The following DIAPH3 variants were observed in gnomAD, a reference collection of about 807,000 sequenced individuals.
DIAPH3 encodes diaphanous related formin 3, also known as protein diaphanous homolog 3.
Under a neutral mutation model 144.3 loss-of-function variants are expected in DIAPH3, and 117 were observed. The ratio of observed to expected loss-of-function variants is 0.81; its 90% CI spans 0.70 to 0.95. The LOEUF is 0.95. Ranked by LOEUF, DIAPH3 falls within the 40% of genes least tolerant of loss-of-function variation. The pLI, the probability that DIAPH3 is intolerant of heterozygous loss-of-function variation, is 0.00. For missense variants in DIAPH3, 1,421 were observed against 1,412.7 expected, an observed-to-expected ratio of 1.01 and a Z score of -0.09; for synonymous variants, 519 against 488.9, an observed-to-expected ratio of 1.06 and a Z score of -0.81.
intron 15 of DIAPH3, 85 bp from the exon 16 acceptor site, chr13:59,971,245 C>G (rs939945475): frequency 7.8e-7 from 1 of 1,286,294 alleles, no homozygotes; most frequent in Non-Finnish European, 1.1e-6. Flanking sequence ...ATAAGGCATT[C>G]ATTTAAACCA....
intron 27 of DIAPH3, among the ~76,000 whole-genome samples, chr13:59,685,242 C>T (rs1019636548): frequency 6.6e-6 from 1 of 152,064 alleles, no homozygotes; most frequent in Non-Finnish European, 1.5e-5. Flanking sequence ...CTCTTACCTT[C>T]AAATATCTTG....
chr13:60,005,761 A>C (rs535481524), intron 9 of DIAPH3, among the ~76,000 whole-genome samples: 1 of 152,172 alleles, frequency 6.6e-6, no homozygotes, highest in Non-Finnish European at 1.5e-5. Context: ...GATTACAGGC[A>C]TGAGCCACCA....
At chr13:59,769,388 CCTT>C (rs1312082968) in intron 27 of DIAPH3, among the ~76,000 whole-genome samples, 1 of 152,112 alleles carries the variant, frequency 6.6e-6, no homozygotes, top group African/African-American at 2.4e-5. Context: ...TTCTGCTTCT[CCTT>C]CACTTCATTA....
intron 27 of DIAPH3, among the ~76,000 whole-genome samples, chr13:59,761,851 T>C (rs1593780725): frequency 6.6e-6 from 1 of 151,974 alleles, no homozygotes; most frequent in Non-Finnish European, 1.5e-5. Flanking sequence ...GAAAAGGAGA[T>C]AGATAACTAA....
At chr13:59,949,329 T>G (rs2048978115) in intron 17 of DIAPH3, among the ~76,000 whole-genome samples, 1 of 152,148 alleles carries the variant, frequency 6.6e-6, no homozygotes. Context: ...ATGAATTTTG[T>G]TTAGCAACAT....
chr13:59,724,043 T>C (rs1353142869), intron 27 of DIAPH3, among the ~76,000 whole-genome samples: 4 of 151,524 alleles, frequency 2.6e-5, no homozygotes, highest in African/African-American at 9.7e-5. Flanking sequence ...TTCTCTATTA[T>C]ACACTGTGAG....
chr13:59,812,539 G>A (rs928170957), intron 24 of DIAPH3, among the ~76,000 whole-genome samples: 2 of 152,116 alleles, frequency 1.3e-5, no homozygotes, highest in African/African-American at 2.4e-5. Context: ...TAAGAGTGCC[G>A]TGATAGCATT....
intron 25 of DIAPH3, among the ~76,000 whole-genome samples, chr13:59,788,795 T>C (rs1210609497): frequency 6.6e-6 from 1 of 152,226 alleles, no homozygotes; most frequent in Non-Finnish European, 1.5e-5. Context: ...GACCTTTCTA[T>C]GACCACTTAT....
At chr13:59,729,059 T>C (rs1305743110) in intron 27 of DIAPH3, among the ~76,000 whole-genome samples, 6 of 152,040 alleles carry the variant, frequency 3.9e-5, no homozygotes, top group Non-Finnish European at 7.4e-5. Flanking sequence ...ATGTTTCTGG[T>C]GAAGTACACT....
At chr13:59,945,715 C>T (rs1392363123) in intron 17 of DIAPH3, among the ~76,000 whole-genome samples, 1 of 151,876 alleles carries the variant, frequency 6.6e-6, no homozygotes, top group Non-Finnish European at 1.5e-5. Context: ...AAGCACAAAG[C>T]TGCTGGGCTA....
chr13:59,848,106 G>C (rs1020887018), intron 22 of DIAPH3, among the ~76,000 whole-genome samples: 10 of 151,920 alleles, frequency 6.6e-5, no homozygotes, highest in Non-Finnish European at 1.5e-5. Flanking sequence ...TACTCTTCCC[G>C]ATCCAAGCCA....
At chr13:59,783,711 G>A (rs935496876) in intron 25 of DIAPH3, among the ~76,000 whole-genome samples, 2 of 152,070 alleles carry the variant, frequency 1.3e-5, no homozygotes, top group Admixed American at 1.3e-4. Flanking sequence ...ACGTTGAAAG[G>A]GCAAGAAGAA....
intron 4 of DIAPH3, among the ~76,000 whole-genome samples, chr13:60,070,825 T>A (rs2057178590): frequency 6.6e-6 from 1 of 152,200 alleles, no homozygotes; most frequent in Non-Finnish European, 1.5e-5. Flanking sequence ...TCACTACCCA[T>A]GTCAGTATTC....
chr13:59,822,297 ATGCACAAGATGGCAGCCATAGTG>A (rs1355927223), intron 24 of DIAPH3, among the ~76,000 whole-genome samples: 2 of 152,158 alleles, frequency 1.3e-5, no homozygotes, highest in Admixed American at 1.3e-4. Context: ...ACAAGTCGCT[ATGCACAAGATGGCAGCCATAGTG>A]TGCTTAAAGG....
intron 10 of DIAPH3, 49 bp from the exon 11 acceptor site, chr13:59,992,235 T>C (rs1312371333): frequency 4.1e-6 from 6 of 1,450,216 alleles, no homozygotes; most frequent in East Asian, 2.4e-5. Flanking sequence ...TTTTTAATTA[T>C]GCAAAAGAAT....
chr13:59,933,674 T>C (rs1458962069), intron 17 of DIAPH3, among the ~76,000 whole-genome samples: 2 of 152,182 alleles, frequency 1.3e-5, no homozygotes, highest in Non-Finnish European at 2.9e-5. Context: ...CAAGAGAAGA[T>C]TAATACCGTT....
intron 3 of DIAPH3, among the ~76,000 whole-genome samples, chr13:60,109,722 C>G (rs935743923): frequency 4.6e-5 from 7 of 152,130 alleles, no homozygotes; most frequent in African/African-American, 1.7e-4. Context: ...GGTGCAACAG[C>G]TGGAATAAAC....
chr13:60,121,760 A>C (rs1168489771), intron 2 of DIAPH3, among the ~76,000 whole-genome samples: 1 of 152,210 alleles, frequency 6.6e-6, no homozygotes, highest in African/African-American at 2.4e-5. Flanking sequence ...TGAGAGAAGC[A>C]AAGGGGTGAT....
chr13:60,061,006 G>C (rs1323570024), intron 4 of DIAPH3, among the ~76,000 whole-genome samples: 2 of 152,022 alleles, frequency 1.3e-5, no homozygotes, highest in African/African-American at 2.4e-5. Flanking sequence ...CATTAGCTGA[G>C]TAAGAACATC....
Sources: gnomAD v4.1 joint callset for allele counts (sites outside exome capture counted in the v4.1 genomes callset) on GRCh38, gnomAD v4.1.1 for gene constraint, MANE v1.5 for transcripts, NCBI Gene and HGNC (gene_info 2026-07-23, HGNC 2026-07-21) for gene names.